RSPRY1: variants seen among roughly 807,000 people sequenced by gnomAD.
RSPRY1 encodes RING finger and SPRY domain-containing protein 1.
Under a neutral mutation model 73.1 loss-of-function variants are expected in RSPRY1, and 23 were observed. The observed-to-expected ratio is 0.31, with a 90% CI of 0.23 to 0.45. The LOEUF is 0.45. Among genes scored for constraint, RSPRY1 ranks in the 20% least tolerant of loss-of-function variants. The probability of loss-of-function intolerance (pLI) is 1.00; values close to 1 mark genes in which losing one functional copy is unlikely to be tolerated. For missense variants in RSPRY1, 448 were observed against 698.7 expected (o/e 0.64, Z 4.05); for synonymous variants, 226 against 251.4 (o/e 0.90, Z 0.95).
intron 1 of RSPRY1, among the ~76,000 whole-genome samples, chr16:57,204,148 A>T (rs910230860): frequency 6.6e-6 from 1 of 152,018 alleles, no homozygotes; most frequent in African/African-American, 2.4e-5. Context: ...CAGAAAGACA[A>T]CTCTTTTTTT....
rs529806726 is a variant in RSPRY1, at chr16:57,223,640, C to T, written c.1161+2225C>T. 2.0e-4 allele frequency among the ~76,000 whole-genome samples: 31 copies of T among 152,144 alleles called. No individual in the cohort carries two copies. In the South Asian group the frequency reaches 5.4e-3, roughly 27 times the overall value. ...ATAAAAAATTAGCTGGGCGTGGTGG[C>T]GGGCGCCTGTAATCCCAGCTACTCG... On this transcript the variant is annotated intron_variant, in intron 10 of 14. Transcript: ENST00000394420.
rs112722990 is a variant in RSPRY1 at position 57,220,866 on chromosome 16, G to A, written c.1017+19G>A. 2,185 of 1,531,324 alleles carry A rather than the reference G, an allele frequency of 1.4e-3. 27 individuals carry two copies. The African/African-American group carries it at 0.027, about 19-fold the overall frequency. 94.9% of individuals were successfully genotyped at this position (1,531,324 alleles called of 1,614,324 possible). On this transcript the variant is annotated intron_variant, in intron 9 of 14. Coordinates refer to ENST00000394420, the MANE Select transcript of RSPRY1 (RefSeq NM_133368.3). ...CTTAGAGGTAGGTAATGCTTCTACA[G>A]TTGGACCCTTTGGGGGATGAGAGGG...
At chr16:57,188,476 G>C (rs994212069) in intron 1 of RSPRY1, among the ~76,000 whole-genome samples, 1 of 152,130 alleles carries the variant, frequency 6.6e-6, no homozygotes, top group African/African-American at 2.4e-5. Context: ...CAATTTATAT[G>C]GGATTTTTTC....
intron 4 of RSPRY1, among the ~76,000 whole-genome samples, chr16:57,211,134 A>G (rs1170620226): frequency 6.6e-6 from 1 of 152,292 alleles, no homozygotes; most frequent in East Asian, 1.9e-4. Context: ...TTTTTTATTA[A>G]GAGGAAAAAC....
intron 14 of RSPRY1, among the ~76,000 whole-genome samples, chr16:57,238,415 G>A (rs1234640749): frequency 6.6e-6 from 1 of 152,128 alleles, no homozygotes; most frequent in Non-Finnish European, 1.5e-5. Context: ...TAATAGTTTG[G>A]TCCCATTACT....
chr16:57,238,650 G>A (rs1486067986), intron 14 of RSPRY1, among the ~76,000 whole-genome samples: 1 of 152,216 alleles, frequency 6.6e-6, no homozygotes, highest in African/African-American at 2.4e-5. Context: ...CATATAGAGT[G>A]TCTGAAAGAA....
chr16:57,196,340 T>A lies in RSPRY1; in HGVS notation c.-155-8164T>A, dbSNP rs75114930. On this transcript the variant is annotated intron_variant, in intron 1 of 14. Transcript: ENST00000394420. ...AGTTCATTTTACTGGACAAGGAAAT[T>A]AACATTTTTGACCCAAGAAGAAATG... 3.3e-3 allele frequency among the ~76,000 whole-genome samples: 505 copies of A among 152,208 alleles called. 1 individual carries two copies. Among genetic ancestry groups the A allele is most frequent in the African/African-American group, 0.012 (478 of 41,530 alleles).
At chr16:57,204,125 C>T (rs1368775038) in intron 1 of RSPRY1, among the ~76,000 whole-genome samples, 2 of 151,734 alleles carry the variant, frequency 1.3e-5, no homozygotes, top group Non-Finnish European at 2.9e-5. Context: ...CTTTTTAACA[C>T]CTACCTCTTA....
chr16:57,209,315 T>C (rs1276508298), intron 4 of RSPRY1, 128 bp downstream of exon 4: 5 of 609,788 alleles, frequency 8.2e-6, no homozygotes, highest in Non-Finnish European at 1.1e-5. Context: ...TCAGTATTGA[T>C]TTTGTTATGT....
intron 4 of RSPRY1, 73 bp from the exon 5 acceptor site, chr16:57,212,898 CA>C (rs113385856): frequency 8.1e-3 from 10,145 of 1,249,520 alleles, no homozygotes; most frequent in South Asian, 0.013. Flanking sequence ...GCTTTTGTCT[CA>C]AAAAAAAAAT....
At chr16:57,187,046 A>C (rs1450518318) in intron 1 of RSPRY1, 2 of 152,202 alleles carry the variant, frequency 1.3e-5, no homozygotes, top group African/African-American at 4.8e-5. Context: ...GGAGCTGAAA[A>C]TTGGGTAAGG....
chr16:57,235,092 A>C (rs1244416150), intron 13 of RSPRY1, 32 bp from the exon 14 acceptor site: 4 of 1,534,138 alleles, frequency 2.6e-6, no homozygotes, highest in East Asian at 2.2e-5. Context: ...CCCTGTTGAC[A>C]AAATGTATTT....
At chr16:57,220,573 A>G in intron 8 of RSPRY1, 159 bp from the exon 9 acceptor site, 1 of 433,230 alleles carries the variant, frequency 2.3e-6, no homozygotes, top group East Asian at 3.4e-5. Context: ...TCCTAAATAT[A>G]AGATCATATT....
In RSPRY1 at chr16:57,235,239, T is replaced by G; in HGVS notation, c.1634+11T>G. The G allele has an allele frequency of 6.3e-7, 1 of 1,579,790 alleles. No individual in the cohort carries two copies. Among genetic ancestry groups the G allele is most frequent in the Non-Finnish European group, 8.7e-7 (1 of 1,148,792 alleles). On this transcript the variant is annotated intron_variant, in intron 14 of 14. Transcript: ENST00000394420. ...GCCATGTGGACACAGGTAAGAGGAT[T>G]TATATTAGGCAAAGTTTCATACTGT...
chr16:57,220,921 G>A (rs961701713), intron 9 of RSPRY1, 74 bp downstream of exon 9: 43 of 1,089,148 alleles, frequency 3.9e-5, no homozygotes, highest in Non-Finnish European at 5.7e-5. Context: ...ATAGCCAGTT[G>A]TCTTAGGGCT....
At chr16:57,192,614 A>G (rs1338081153) in intron 1 of RSPRY1, among the ~76,000 whole-genome samples, 2 of 152,010 alleles carry the variant, frequency 1.3e-5, no homozygotes, top group Non-Finnish European at 2.9e-5. Flanking sequence ...ATTTTAGGTC[A>G]GGACTATATT....
chr16:57,231,388 TCAA>T, intron 13 of RSPRY1, 69 bp downstream of exon 13: 1 of 1,438,608 alleles, frequency 7.0e-7, no homozygotes, highest in Non-Finnish European at 9.4e-7. Context: ...CAATTTATAA[TCAA>T]CGTTAAAAGA....
intron 1 of RSPRY1, among the ~76,000 whole-genome samples, chr16:57,191,339 AT>A (rs1470328471): frequency 6.6e-6 from 1 of 152,188 alleles, no homozygotes; most frequent in Non-Finnish European, 1.5e-5. Context: ...AGGGCTACTT[AT>A]TAATAACCTA....
chr16:57,187,125 T>G (rs1354467754), intron 1 of RSPRY1: 4 of 151,756 alleles, frequency 2.6e-5, no homozygotes, highest in Non-Finnish European at 1.5e-5. Context: ...AAAGCCAGAG[T>G]GGGGAGTAGT....
Sources: gnomAD v4.1 joint callset for allele counts (sites outside exome capture counted in the v4.1 genomes callset) on GRCh38, gnomAD v4.1.1 for gene constraint, MANE v1.5 for transcripts, NCBI Gene and HGNC (gene_info 2026-07-23, HGNC 2026-07-21) for gene names.